COL5A2: variants seen among roughly 807,000 people sequenced by gnomAD.
The protein encoded by COL5A2 is collagen type V alpha 2 chain.
Under a neutral mutation model 208.2 loss-of-function variants are expected in COL5A2, and 23 were observed. The ratio of observed to expected loss-of-function variants is 0.11; its 90% confidence interval spans 0.08 to 0.16. The LOEUF (loss-of-function observed/expected upper bound fraction) is 0.16. COL5A2 is among the 10% of genes least tolerant of loss of function. The pLI is 1.00. For missense variants in COL5A2, 1,590 were observed against 1,956.4 expected, an observed-to-expected ratio of 0.81 and a Z score of 3.53; for synonymous variants, 625 against 628.5, an observed-to-expected ratio of 0.99 and a Z score of 0.08.
the COL5A2 span, among the ~76,000 whole-genome samples, chr2:189,371,158 A>G: frequency 6.6e-6 from 1 of 151,998 alleles, no homozygotes; most frequent in African/African-American, 2.4e-5. Context: ...GCCTTCCACC[A>G]TGATTGTAAG....
the COL5A2 span, among the ~76,000 whole-genome samples, chr2:189,294,537 G>A: frequency 6.6e-6 from 1 of 151,976 alleles, no homozygotes; most frequent in Non-Finnish European, 1.5e-5. Flanking sequence ...ATTTGTCAGT[G>A]CAATCAAATA....
chr2:189,375,733 A>T, the COL5A2 span, among the ~76,000 whole-genome samples: 1 of 152,272 alleles, frequency 6.6e-6, no homozygotes, highest in Non-Finnish European at 1.5e-5. Context: ...CTTAATAAAA[A>T]TAATGATATT....
At chr2:189,082,176 T>TA (rs1235150742) in intron 12 of COL5A2, among the ~76,000 whole-genome samples, 4 of 152,198 alleles carry the variant, frequency 2.6e-5, no homozygotes, top group Non-Finnish European at 5.9e-5. Flanking sequence ...CTTATACAGA[T>TA]AAAAAATCCT....
chr2:189,244,722 G>T, the COL5A2 span, among the ~76,000 whole-genome samples: 1 of 152,124 alleles, frequency 6.6e-6, no homozygotes, highest in African/African-American at 2.4e-5. Flanking sequence ...TCCAACATCT[G>T]CCTGTTACCC....
At chr2:189,115,882 G>A (rs1325316954) in intron 1 of COL5A2, among the ~76,000 whole-genome samples, 1 of 152,174 alleles carries the variant, frequency 6.6e-6, no homozygotes, top group Non-Finnish European at 1.5e-5. Context: ...AATCTTTCCA[G>A]AGAGGATGTG....
At chr2:189,080,881 A>C (rs1374576120) in intron 13 of COL5A2, 109 bp downstream of exon 13, 47 of 887,844 alleles carry the variant, frequency 5.3e-5, no homozygotes, top group Non-Finnish European at 3.8e-6. Flanking sequence ...AACCATAGAC[A>C]GTTAAGGACA....
chr2:189,156,084 G>T (rs1338965451), intron 1 of COL5A2, among the ~76,000 whole-genome samples: 4 of 152,016 alleles, frequency 2.6e-5, no homozygotes, highest in Non-Finnish European at 5.9e-5. Context: ...GTTAATCCAA[G>T]ATAATATCTG....
intron 1 of COL5A2, among the ~76,000 whole-genome samples, chr2:189,124,090 G>C (rs567661386): frequency 6.8e-4 from 104 of 152,234 alleles, no homozygotes; most frequent in Non-Finnish European, 1.3e-3. Flanking sequence ...AACAGGTAAA[G>C]CATGGTTTAC....
At position 189,045,797 on chromosome 2, in the gene COL5A2, T is replaced by C. The variant is rs1375466334; in HGVS notation, c.3309+3A>G. The stretch of plus-strand genomic sequence containing the variant: ...GTCAGTGTGAAATTGACTCCCTCCT[T>C]ACCGGATCTCCTCTTTGTCCTGCAT... On this transcript the variant is annotated splice_donor_region_variant and intron_variant, in intron 46 of 53. Coordinates refer to ENST00000374866, the MANE Select transcript of COL5A2 (RefSeq NM_000393.5). The C allele has an allele frequency of 6.2e-7, 1 of 1,613,344 alleles. No individual in the cohort carries two copies. Among genetic ancestry groups the C allele is most frequent in the South Asian group, 1.1e-5 (1 of 91,058 alleles).
At chr2:189,377,448 T>C in the COL5A2 span, among the ~76,000 whole-genome samples, 963 of 152,308 alleles carry the variant, frequency 6.3e-3, 11 homozygotes, top group African/African-American at 0.022. Flanking sequence ...TACATGGTCC[T>C]CAAAGACAGG....
chr2:189,176,912 T>C (rs1480021018), intron 1 of COL5A2, among the ~76,000 whole-genome samples: 1 of 152,206 alleles, frequency 6.6e-6, no homozygotes, highest in African/African-American at 2.4e-5. Context: ...ATTTAGAAAA[T>C]CAAATCAGTT....
the COL5A2 span, among the ~76,000 whole-genome samples, chr2:189,339,493 T>C: frequency 6.6e-6 from 1 of 152,210 alleles, no homozygotes; most frequent in Non-Finnish European, 1.5e-5. Context: ...GCAGCATCTC[T>C]TATCAAAATA....
At chr2:189,053,566 T>C (rs1432999428) in intron 37 of COL5A2, 89 bp from the exon 38 acceptor site, 1 of 1,168,330 alleles carries the variant, frequency 8.6e-7, no homozygotes, top group East Asian at 2.4e-5. Flanking sequence ...ATCTGATAGT[T>C]AGACATGTAA....
At chr2:189,310,684 T>C in the COL5A2 span, among the ~76,000 whole-genome samples, 1 of 151,526 alleles carries the variant, frequency 6.6e-6, no homozygotes, top group Non-Finnish European at 1.5e-5. Flanking sequence ...TGACTATCAA[T>C]AGATGAATGG....
chr2:189,431,810 A>C, the COL5A2 span, among the ~76,000 whole-genome samples: 1 of 152,222 alleles, frequency 6.6e-6, no homozygotes, highest in Non-Finnish European at 1.5e-5. Flanking sequence ...CAACCCAGCA[A>C]GGCAGGCCAA....
chr2:189,091,871 G>A (rs1402744215), intron 7 of COL5A2, among the ~76,000 whole-genome samples: 1 of 152,128 alleles, frequency 6.6e-6, no homozygotes, highest in Admixed American at 6.5e-5. Context: ...ATAATTAGGT[G>A]TCATTTTTAG....
chr2:189,342,991 G>A, the COL5A2 span, among the ~76,000 whole-genome samples: 8 of 152,146 alleles, frequency 5.3e-5, no homozygotes, highest in Admixed American at 4.6e-4. Context: ...TTAACTATGA[G>A]CAATGTTAAT....
chr2:189,189,057 T>A (rs745616708), intron 1 of COL5A2, among the ~76,000 whole-genome samples: 12 of 152,202 alleles, frequency 7.9e-5, no homozygotes, highest in Non-Finnish European at 1.2e-4. Context: ...AAATTGGCCC[T>A]TGAGAGAAAA....
intron 1 of COL5A2, among the ~76,000 whole-genome samples, chr2:189,217,022 G>A (rs1405408460): frequency 1.3e-5 from 2 of 152,032 alleles, no homozygotes; most frequent in East Asian, 3.9e-4. Flanking sequence ...AACAAGCATC[G>A]ATATGACCAT....
Sources: allele counts gnomAD v4.1 joint callset (sites outside exome capture counted in the v4.1 genomes callset), GRCh38; gene constraint gnomAD v4.1.1; transcripts MANE v1.5; gene names NCBI Gene and HGNC (gene_info 2026-07-23, HGNC 2026-07-21).